The following LDB2 variants were observed in gnomAD, a reference collection of about 807,000 sequenced individuals.
LDB2 encodes LIM domain-binding protein 2.
Under a neutral mutation model 44.3 loss-of-function variants are expected in LDB2, and 12 were observed. The ratio of observed to expected loss-of-function variants is 0.27; its 90% CI spans 0.17 to 0.44. The LOEUF is 0.44. Ranked by LOEUF, LDB2 falls within the 20% of genes least tolerant of loss-of-function variation. LDB2 has a pLI of 1.00. For missense variants in LDB2, 344 were observed against 473.5 expected, an observed-to-expected ratio of 0.73 and a Z score of 2.54; for synonymous variants, 164 against 174.8, an observed-to-expected ratio of 0.94 and a Z score of 0.49.
chr4:16,633,779 A>G (rs967230656), intron 2 of LDB2, among the ~76,000 whole-genome samples: 2 of 152,210 alleles, frequency 1.3e-5, no homozygotes, highest in African/African-American at 4.8e-5. Flanking sequence ...CTTCATATGG[A>G]ACCAAAAAAG....
intron 1 of LDB2, among the ~76,000 whole-genome samples, chr4:16,831,174 C>CTTTTT (rs370309653): frequency 1.7e-4 from 21 of 126,744 alleles, no homozygotes; most frequent in Non-Finnish European, 2.1e-4. Flanking sequence ...CCTCTCTGAG[C>CTTTTT]TTTTTTTTTT....
chr4:16,884,389 C>T (rs893812751), intron 1 of LDB2, among the ~76,000 whole-genome samples: 1 of 152,094 alleles, frequency 6.6e-6, no homozygotes, highest in Non-Finnish European at 1.5e-5. Context: ...AGGTAAAGAA[C>T]CCTGGCTTGG....
chr4:16,775,002 C>T (rs1158356565), intron 1 of LDB2, among the ~76,000 whole-genome samples: 3 of 152,104 alleles, frequency 2.0e-5, no homozygotes, highest in African/African-American at 7.2e-5. Flanking sequence ...TAACATGTGC[C>T]TCAAAACACT....
chr4:16,562,810 C>T (rs1024333253), intron 5 of LDB2, among the ~76,000 whole-genome samples: 9 of 152,136 alleles, frequency 5.9e-5, no homozygotes, highest in Non-Finnish European at 1.2e-4. Flanking sequence ...AGACTTGGAA[C>T]CAACCCAAAT....
At position 16,735,035 on chromosome 4, in the gene LDB2, G is replaced by A. The variant is rs187514841; in HGVS notation, c.235+24123C>T. ...GCTGCTTCCCATCTTCTAAGGGCTC[G>A]GGTTGTGAAATGCCATCACATGGGT... is the stretch of plus-strand genomic sequence containing the variant. On this transcript the variant is annotated intron_variant, in intron 2 of 7. Transcript: ENST00000304523. Among the ~76,000 whole-genome samples, 51 of 152,186 alleles carry A rather than the reference G, an allele frequency of 3.4e-4. 1 individual carries two copies. The highest frequency in any genetic ancestry group is 1.8e-3 in the Admixed American group (28 of 15,284).
intron 2 of LDB2, among the ~76,000 whole-genome samples, chr4:16,695,396 G>C (rs1751882641): frequency 1.3e-5 from 2 of 151,582 alleles, no homozygotes; most frequent in South Asian, 4.2e-4. Flanking sequence ...CAGGTAAGAG[G>C]CTGCAGTGAG....
In LDB2 at chr4:16,512,098, C is replaced by T. The variant is rs1179933323; in HGVS notation, c.622G>A (p.Val208Ile). The change falls in exon 6 of 8, where the codon GTA becomes ATA. Residue 208 changes from valine (V) to isoleucine (I), a missense_variant. Physicochemically the swap from Val to Ile is conservative, Grantham distance 29. Around this residue, in one of 3 missense-constraint regions of LDB2, gnomAD observed 226 missense variants for 270.1 expected, o/e 0.84. Coordinates refer to ENST00000304523, the MANE Select transcript of LDB2 (RefSeq NM_001290.5). ...AGTTCCTGCATTGGCTCCAATATTA[C>T]ACACAACTGCAAGAAGTTCAAAGAC... ...NFTLNYLRLC[V>I]ILEPMQELMS... 8.1e-6 allele frequency: 13 copies of T among 1,608,864 alleles called. No individual in the cohort carries two copies. The highest frequency in any genetic ancestry group is 1.3e-5 in the African/African-American group (1 of 74,840).
intron 1 of LDB2, among the ~76,000 whole-genome samples, chr4:16,823,336 T>TTCA (rs1247234487): frequency 6.6e-6 from 1 of 152,236 alleles, no homozygotes; most frequent in Non-Finnish European, 1.5e-5. Flanking sequence ...TTCTTTTGAC[T>TTCA]TCATCAAGTT....
At chr4:16,545,005 G>A (rs1160253856) in intron 5 of LDB2, among the ~76,000 whole-genome samples, 1 of 152,128 alleles carries the variant, frequency 6.6e-6, no homozygotes, top group Non-Finnish European at 1.5e-5. Context: ...AGTGAGGATA[G>A]GGAGGAGAAC....
intron 1 of LDB2, among the ~76,000 whole-genome samples, chr4:16,777,851 T>C (rs540216538): frequency 5.3e-5 from 8 of 152,364 alleles, no homozygotes; most frequent in African/African-American, 1.7e-4. Context: ...TCTTGATTCA[T>C]AGCACTCTTA....
At chr4:16,769,774 G>C (rs1027720281) in intron 1 of LDB2, among the ~76,000 whole-genome samples, 1 of 152,090 alleles carries the variant, frequency 6.6e-6, no homozygotes, top group Non-Finnish European at 1.5e-5. Flanking sequence ...ATAGCAAATT[G>C]TGTGTTTTGA....
At chr4:16,747,321 A>G (rs1764595449) in intron 2 of LDB2, among the ~76,000 whole-genome samples, 1 of 152,234 alleles carries the variant, frequency 6.6e-6, no homozygotes, top group South Asian at 2.1e-4. Flanking sequence ...AAAGCATTTT[A>G]TAAGAAATAC....
intron 2 of LDB2, among the ~76,000 whole-genome samples, chr4:16,610,841 T>C (rs966426936): frequency 6.6e-6 from 1 of 152,042 alleles, no homozygotes; most frequent in Non-Finnish European, 1.5e-5. Context: ...TAGGCCAACG[T>C]GCAAATTCAG....
At chr4:16,839,815 G>A (rs1785535233) in intron 1 of LDB2, among the ~76,000 whole-genome samples, 1 of 152,138 alleles carries the variant, frequency 6.6e-6, no homozygotes, top group Non-Finnish European at 1.5e-5. Context: ...TATAAGCTAT[G>A]AGGAAATTAT....
At chr4:16,583,127 T>G (rs1715387604) in intron 5 of LDB2, among the ~76,000 whole-genome samples, 2 of 152,164 alleles carry the variant, frequency 1.3e-5, no homozygotes. Flanking sequence ...CTCTGTGTAT[T>G]TCCTGACTGC....
rs188283759 is a variant in LDB2, at chr4:16,872,797, A to G, written c.132+25557T>C. Among the ~76,000 whole-genome samples the G allele has an allele frequency of 1.6e-4, 25 of 152,330 alleles. No individual in the cohort carries two copies. The East Asian group carries it at 4.6e-3, about 28-fold the overall frequency. On this transcript the variant is annotated intron_variant, in intron 1 of 7. Coordinates refer to ENST00000304523, the MANE Select transcript of LDB2 (RefSeq NM_001290.5). ...GAGAAAAGATTTCACAGCCATGACT[A>G]TTAATTAACTTTCAGTATGTTTTAG... is the stretch of plus-strand genomic sequence containing the variant.
chr4:16,898,454 G>T lies in LDB2; in HGVS notation c.32C>A (p.Ser11Tyr), dbSNP rs374353164. 6.2e-7 allele frequency: 1 copy of T among 1,613,890 alleles called. No homozygotes were observed. The highest frequency in any genetic ancestry group is 1.1e-5 in the South Asian group (1 of 91,078). The change falls in exon 1 of 8, where the codon TCT (serine) becomes TAT (tyrosine). Residue 11 changes from serine (S) to tyrosine (Y), a missense_variant. Transcript: ENST00000304523. ...CCTATAAAATGGGCCGAAAGGAGAA[G>T]AATAGAAGGGGTCATGTGGTGTGCT... is the stretch of plus-strand genomic sequence containing the variant. MSSTPHDPFYSSPFGPFYRRH... is the reference protein window; with the variant it reads MSSTPHDPFYYSPFGPFYRRH...
In LDB2 at chr4:16,595,745, C is replaced by G; in HGVS notation, c.366G>C (p.Gln122His). ...TCCCGTGCTGGGTGACCATGGTACA[C>G]TGGTCGCAGTCCACCGTGATGGATG... ...HNSSITVDCD[Q>H]CTMVTQHGKP... is the part of the protein sequence containing the mutation. Residue 122 changes from glutamine to histidine, a missense_variant, in exon 3 of 8, where the codon CAG becomes CAC. Transcript: ENST00000304523. 1 of 1,613,730 alleles carries G rather than the reference C, an allele frequency of 6.2e-7. No homozygotes were observed. Among genetic ancestry groups the G allele is most frequent in the Non-Finnish European group, 8.5e-7 (1 of 1,179,812 alleles).
chr4:16,613,505 A>G (rs1726248176), intron 2 of LDB2, among the ~76,000 whole-genome samples: 1 of 152,224 alleles, frequency 6.6e-6, no homozygotes, highest in Non-Finnish European at 1.5e-5. Context: ...CTATGCATTT[A>G]TATTCAAAAA....
Sources: allele counts gnomAD v4.1 joint callset (sites outside exome capture counted in the v4.1 genomes callset), GRCh38; gene constraint gnomAD v4.1.1; regional missense constraint gnomAD v4.1.1; transcripts MANE v1.5; gene names NCBI Gene and HGNC (gene_info 2026-07-23, HGNC 2026-07-21).